The following ERN2 variants were observed in gnomAD, a reference collection of about 807,000 sequenced individuals.
ERN2 encodes serine/threonine-protein kinase/endoribonuclease IRE2.
ERN2 carries 111 observed loss-of-function variants against 107.9 expected under a neutral mutation model. The observed-to-expected ratio is 1.03, with a 90% confidence interval of 0.88 to 1.20. ERN2 has a LOEUF of 1.20. Ranked by LOEUF, ERN2 falls within the 50% of genes most tolerant of loss-of-function variation. ERN2 has a pLI of 0.00. For synonymous variants in ERN2, 524 were observed against 501.7 expected, an observed-to-expected ratio of 1.04 and a Z score of -0.59; for missense variants, 1,225 against 1,197.9, an observed-to-expected ratio of 1.02 and a Z score of -0.33.
At chr16:23,691,836 AAG>A in intron 19 of ERN2, 125 bp downstream of exon 19, 2 of 1,324,954 alleles carry the variant, frequency 1.5e-6, no homozygotes, top group Non-Finnish European at 2.1e-6. Flanking sequence ...AGTTTAGGGA[AAG>A]AGCCAGGCTC....
Position 23,691,053 on chromosome 16 carries a change from G to A in ERN2, c.2569-10C>T, listed in dbSNP as rs1959570584. The A allele has an allele frequency of 6.2e-7, 1 of 1,613,960 alleles. No individual in the cohort carries two copies. ...CCCTGTAGTGGTGCTTCTGTGGGTA[G>A]GTAGAGCAGAGAACCCTGGCTCAGC... is the stretch of plus-strand genomic sequence containing the variant. On this transcript the variant is annotated splice_polypyrimidine_tract_variant and intron_variant, in intron 21 of 21. Transcript: ENST00000256797.
chr16:23,713,167 C>A lies in ERN2; in HGVS notation c.21G>T (p.Gly7=). 2 of 1,575,926 alleles carry A rather than the reference C, an allele frequency of 1.3e-6. No homozygotes were observed. Among genetic ancestry groups the A allele is most frequent in the Non-Finnish European group, 1.7e-6 (2 of 1,167,038 alleles). The change falls in exon 1 of 22, where the codon GGG becomes GGT. Residue 7 remains glycine (G), a synonymous_variant. Transcript: ENST00000256797. ...GCCCCAGCCGGGGCCACGGCCTCGACCCCCTGACCGCACTCGCCATAGCGC... is the reference window on the plus strand; with the variant it reads ...GCCCCAGCCGGGGCCACGGCCTCGAACCCCTGACCGCACTCGCCATAGCGC... MASAVR[G]SRPWPRLGLQ... is the part of the protein sequence containing the mutation.
In ERN2 at chr16:23,705,109, G is replaced by A; in HGVS notation, c.628C>T (p.Leu210Phe). The change falls in exon 8 of 22, where the codon CTC becomes TTC. Residue 210 changes from leucine (L) to phenylalanine (F), a missense_variant. By Grantham distance (22) the Leu-to-Phe change is conservative. Coordinates refer to ENST00000256797, the MANE Select transcript of ERN2 (RefSeq NM_033266.4). ...HLASCGMGLL[L>F]TVDPGSGTVL... Reference sequence around the variant, plus strand: ...GTCCCGCTTCCTGGGTCCACAGTGAGCAGCAGGCCCATCCCGCAGGACGCC... The same window carrying A: ...GTCCCGCTTCCTGGGTCCACAGTGAACAGCAGGCCCATCCCGCAGGACGCC... The A allele has an allele frequency of 6.2e-7, 1 of 1,613,818 alleles. No homozygotes were observed. The highest frequency in any genetic ancestry group is 8.5e-7 in the Non-Finnish European group (1 of 1,179,772).
chr16:23,706,368 C>T lies in ERN2; in HGVS notation c.551G>A (p.Arg184His), dbSNP rs61739440. 36 of 1,563,298 alleles carry T rather than the reference C, an allele frequency of 2.3e-5. No homozygotes were observed. The highest frequency in any genetic ancestry group is 3.4e-4 in the Middle Eastern group (2 of 5,930). Residue 184 changes from arginine (R) to histidine (H), a missense_variant, in exon 7 of 22, where the codon CGC (arginine) becomes CAC (histidine). Transcript: ENST00000256797. Reference protein sequence around the residue: ...PALRWNTTYRRYSAPPMDGSP... With the variant: ...PALRWNTTYRHYSAPPMDGSP... ...GCCATCCATGGGGGGCGCTGAGTAG[C>T]GGCGGTAGGTGGTGTTCCAGCGCAG...
At chr16:23,694,651 G>T in intron 17 of ERN2, 77 bp downstream of exon 17, 1 of 1,261,456 alleles carries the variant, frequency 7.9e-7, no homozygotes, top group Non-Finnish European at 1.1e-6. Flanking sequence ...GTCTCCTCAG[G>T]AGGGGAACTG....
At chr16:23,711,596 G>A (rs937103000) in intron 1 of ERN2, among the ~76,000 whole-genome samples, 7 of 151,976 alleles carry the variant, frequency 4.6e-5, no homozygotes, top group African/African-American at 7.3e-5. Context: ...GGCCTCAAGC[G>A]ATCCTCCTGC....
intron 4 of ERN2, chr16:23,709,174 T>C: frequency 2.2e-6 from 1 of 455,704 alleles, no homozygotes; most frequent in Non-Finnish European, 4.4e-6. Context: ...TGTGTACCTG[T>C]AGTTCCAGCT....
rs374364246 is a variant in ERN2 at position 23,694,922 on chromosome 16, G to A, written c.1906C>T (p.Arg636Trp). 6 of 1,614,052 alleles carry A rather than the reference G, an allele frequency of 3.7e-6. No individual in the cohort carries two copies. In the African/African-American group the frequency reaches 4.0e-5, roughly 11 times the overall value. The change falls in exon 17 of 22, where the codon CGG becomes TGG. Residue 636 changes from arginine to tryptophan, a missense_variant. Physicochemically the swap from Arg to Trp is moderately radical, Grantham distance 101. Coordinates refer to ENST00000256797, the MANE Select transcript of ERN2 (RefSeq NM_033266.4). ...AGAATATTTCCTGGCTTCAGGTCCC[G>A]GTGCACTGTGGGAGAGGGGCAGAAA... ...AHLHSLHIVH[R>W]DLKPGNILIT...
At position 23,690,357 on chromosome 16, in the gene ERN2, T is replaced by C; in HGVS notation, c.*474A>G. 1 of 527,252 alleles carries C rather than the reference T, an allele frequency of 1.9e-6. No individual in the cohort carries two copies. Among genetic ancestry groups the C allele is most frequent in the Non-Finnish European group, 3.4e-6 (1 of 293,080 alleles). 32.7% of individuals were successfully genotyped at this position (527,252 alleles called of 1,614,324 possible). On this transcript the variant is annotated 3_prime_UTR_variant, in exon 22 of 22. Coordinates refer to ENST00000256797, the MANE Select transcript of ERN2 (RefSeq NM_033266.4). ...CTTGGCTTTATGCACATTAAACAGA[T>C]GTGAATATTCTTTTTCTTGTATTTC...
intron 4 of ERN2, 42 bp downstream of exon 4, chr16:23,710,130 G>A (rs1960479796): frequency 7.1e-7 from 1 of 1,414,978 alleles, no homozygotes; most frequent in Admixed American, 1.7e-5. Flanking sequence ...GCTGACGAAA[G>A]CCCTGGCTCT....
chr16:23,707,166 A>G, intron 4 of ERN2, 87 bp from the exon 5 acceptor site: 1 of 906,836 alleles, frequency 1.1e-6, no homozygotes, highest in East Asian at 2.4e-5. Flanking sequence ...CATAGCAACC[A>G]ATTAACAGGT....
At position 23,705,005 on chromosome 16, in the gene ERN2, C is replaced by T. The variant is rs144880499; in HGVS notation, c.732G>A (p.Pro244=). 7.1e-4 allele frequency: 1,149 copies of T among 1,613,970 alleles called. 13 individuals are homozygous for T. In the African/African-American group the frequency reaches 0.012, roughly 17 times the overall value. ...TWHQDGLRQL[P]HLTLARDTLH... ...GAGTGTCTCGAGCCAGCGTGAGATG[C>T]GGCAGCTGGCGCAGGCCGTCCTGGT... Residue 244 remains proline, a synonymous_variant, in exon 8 of 22, where the codon CCG becomes CCA. Coordinates refer to ENST00000256797, the MANE Select transcript of ERN2 (RefSeq NM_033266.4).
At chr16:23,695,474 C>G (rs1959777241) in intron 14 of ERN2, 85 bp from the exon 15 acceptor site, 1 of 1,382,466 alleles carries the variant, frequency 7.2e-7, no homozygotes, top group South Asian at 1.4e-5. Flanking sequence ...ACCTGTAATC[C>G]TAGCACTTTG....
chr16:23,695,237 T>C lies in ERN2; in HGVS notation c.1763A>G (p.Tyr588Cys), dbSNP rs1395686938. The change falls in exon 15 of 22, where the codon TAC becomes TGC. Residue 588 changes from tyrosine to cysteine, a missense_variant. Physicochemically the swap from Tyr to Cys is radical, Grantham distance 194 (BLOSUM62 -2). Transcript: ENST00000256797. ...FCTERGPQFH[Y>C]IALELCRASL... ...GGCCCGGCAGAGCTCCAGGGCAATG[T>C]AGTGGAACTGGGGTCCCCGCTCGGT... is the stretch of plus-strand genomic sequence containing the variant. 17 of 1,614,000 alleles carry C rather than the reference T, an allele frequency of 1.1e-5. No homozygotes were observed. Among genetic ancestry groups the C allele is most frequent in the Non-Finnish European group, 1.3e-5 (15 of 1,180,024 alleles).
chr16:23,709,972 T>C, intron 4 of ERN2, 200 bp downstream of exon 4: 1 of 558,760 alleles, frequency 1.8e-6, no homozygotes, highest in Non-Finnish European at 3.2e-6. Context: ...GATAGTCAGA[T>C]TGCCCTGCAG....
intron 8 of ERN2, among the ~76,000 whole-genome samples, chr16:23,703,341 C>T (rs960685057): frequency 4.6e-5 from 7 of 152,298 alleles, no homozygotes; most frequent in African/African-American, 9.6e-5. Context: ...ACAGTACCCA[C>T]GTGCTTCTAG....
At position 23,694,864 on chromosome 16, in the gene ERN2, C is replaced by G; in HGVS notation, c.1964G>C (p.Arg655Thr). The G allele has an allele frequency of 2.5e-6, 4 of 1,614,214 alleles. No homozygotes were observed. Among genetic ancestry groups the G allele is most frequent in the Non-Finnish European group, 3.4e-6 (4 of 1,180,032 alleles). ...ITGPDSQGLG[R>T]VVLSDFGLCK... Reference sequence around the variant, plus strand: ...GAGGCCGAAGTCTGAGAGCACCACTCTGCCCAGGCCCTGGCTGTCAGGCCC... The same window carrying G: ...GAGGCCGAAGTCTGAGAGCACCACTGTGCCCAGGCCCTGGCTGTCAGGCCC... Residue 655 changes from arginine to threonine, a missense_variant, in exon 17 of 22, where the codon AGA becomes ACA. Arg to Thr is a moderately conservative substitution (Grantham distance 71, BLOSUM62 -1). Coordinates refer to ENST00000256797, the MANE Select transcript of ERN2 (RefSeq NM_033266.4).
chr16:23,690,869 C>CT lies in ERN2; in HGVS notation c.2742dup (p.Glu915ArgfsTer31), dbSNP rs751157145. ...GCCCCAGGGCATGGCCTCCTGGCCT[C>CT]TGAGTCTGGCGGGTAGTAGGGCAGG... On this transcript the variant is annotated frameshift_variant, in exon 22 of 22. Coordinates refer to ENST00000256797, the MANE Select transcript of ERN2 (RefSeq NM_033266.4). LOFTEE classifies it low-confidence loss of function (END_TRUNC). 4.3e-6 allele frequency: 7 copies of CT among 1,613,692 alleles called. No homozygotes were observed. Among genetic ancestry groups the CT allele is most frequent in the Non-Finnish European group, 4.2e-6 (5 of 1,180,048 alleles).
At position 23,690,400 on chromosome 16, in the gene ERN2, C is replaced by G; in HGVS notation, c.*431G>C. On this transcript the variant is annotated 3_prime_UTR_variant, in exon 22 of 22. Coordinates refer to ENST00000256797, the MANE Select transcript of ERN2 (RefSeq NM_033266.4). ...TGTATTTCCTGAGGGGTGCCAGGGCCTGGGATCCAGCGAACATCTCTGCTT... is the reference window on the plus strand; with the variant it reads ...TGTATTTCCTGAGGGGTGCCAGGGCGTGGGATCCAGCGAACATCTCTGCTT... The G allele has an allele frequency of 2.1e-6, 1 of 466,644 alleles. No homozygotes were observed. Among genetic ancestry groups the G allele is most frequent in the Non-Finnish European group, 3.9e-6 (1 of 255,964 alleles). 28.9% of individuals were successfully genotyped at this position (466,644 alleles called of 1,614,324 possible).
Sources: allele counts gnomAD v4.1 joint callset (sites outside exome capture counted in the v4.1 genomes callset), GRCh38; gene constraint gnomAD v4.1.1; transcripts MANE v1.5; gene names NCBI Gene and HGNC (gene_info 2026-07-23, HGNC 2026-07-21).